TRIM5: variants seen among roughly 807,000 people sequenced by gnomAD.
TRIM5 encodes the protein tripartite motif containing 5.
In TRIM5, 31 loss-of-function variants were observed where a neutral mutation model predicts 35.6. That is an observed-to-expected ratio of 0.87 (90% CI 0.65 to 1.18). TRIM5 has a LOEUF of 1.18. Among genes scored for constraint, TRIM5 ranks in the 50% most tolerant of loss-of-function variants. The pLI is 0.00. For synonymous variants in TRIM5, 243 were observed against 215.6 expected, an observed-to-expected ratio of 1.13 and a Z score of -1.11; for missense variants, 609 against 591.6, an observed-to-expected ratio of 1.03 and a Z score of -0.31.
At chr11:5,603,217 A>G in the TRIM5 span, 1 of 1,599,502 alleles carries the variant, frequency 6.3e-7, no homozygotes, top group African/African-American at 1.3e-5. Flanking sequence ...TCTTACCCTG[A>G]TCCTTTTTTT....
the TRIM5 span, among the ~76,000 whole-genome samples, chr11:5,647,563 C>T: frequency 6.6e-6 from 1 of 152,072 alleles, no homozygotes; most frequent in African/African-American, 2.4e-5. Context: ...CACTCTGTTA[C>T]CCAAGCTGGA....
chr11:5,605,424 A>G, the TRIM5 span: 1 of 1,614,202 alleles, frequency 6.2e-7, no homozygotes. Context: ...ACGGGAGCTG[A>G]AAAAGCTGGA....
Position 5,679,817 on chromosome 11 carries a change from G to A in TRIM5, c.361C>T (p.Gln121Ter), listed in dbSNP as rs1852287820. Residue 121 changes from glutamine (Q) to a stop codon, truncating the protein, a stop_gained, in exon 2 of 8, where the codon CAG becomes TAG. Coordinates refer to ENST00000380034, the MANE Select transcript of TRIM5 (RefSeq NM_033034.3). LOFTEE classifies it high-confidence loss of function. ...KVICWLCERS[Q>*]EHRGHHTFLT... is the part of the protein sequence containing the mutation. The stretch of plus-strand genomic sequence containing the variant: ...AACGTGTGGTGACCACGGTGCTCCT[G>A]AGACCGCTCACAAAGCCAGCAAATG... The A allele has an allele frequency of 6.2e-7, 1 of 1,612,730 alleles. No individual in the cohort carries two copies. The highest frequency in any genetic ancestry group is 2.2e-5 in the East Asian group (1 of 44,830).
chr11:5,646,627 T>C, the TRIM5 span, among the ~76,000 whole-genome samples: 45 of 152,236 alleles, frequency 3.0e-4, 1 homozygote, highest in Non-Finnish European at 5.4e-4. Flanking sequence ...TAAGTCAAAT[T>C]CTCACCCCTA....
chr11:5,641,065 A>C, the TRIM5 span: 11,310 of 1,434,402 alleles, frequency 7.9e-3, 708 homozygotes, highest in African/African-American at 0.14. Context: ...CATATAACTC[A>C]CTTCTGATTT....
the TRIM5 span, chr11:5,611,078 CTGGGTGAT>C: frequency 6.2e-7 from 1 of 1,614,192 alleles, no homozygotes; most frequent in Non-Finnish European, 8.5e-7. Flanking sequence ...AGAGTGGATA[CTGGGTGAT>C]TGGGTTACAG....
chr11:5,655,284 T>C, the TRIM5 span, among the ~76,000 whole-genome samples: 1 of 151,734 alleles, frequency 6.6e-6, no homozygotes, highest in Non-Finnish European at 1.5e-5. Flanking sequence ...TCAATGATAG[T>C]AGTATGTGAT....
chr11:5,656,192 G>C, the TRIM5 span, among the ~76,000 whole-genome samples: 2 of 151,992 alleles, frequency 1.3e-5, no homozygotes, highest in Non-Finnish European at 2.9e-5. Context: ...CACAGCAAAA[G>C]AAACTATCAT....
the TRIM5 span, among the ~76,000 whole-genome samples, chr11:5,609,921 T>A: frequency 2.7e-5 from 4 of 149,954 alleles, no homozygotes; most frequent in Admixed American, 2.7e-4. Flanking sequence ...AGACTCCTTC[T>A]CAAAAAAAAA....
the TRIM5 span, among the ~76,000 whole-genome samples, chr11:5,601,377 A>C: frequency 1.3e-5 from 2 of 152,226 alleles, no homozygotes; most frequent in African/African-American, 4.8e-5. Context: ...ACTCTTATTT[A>C]TGCAGAGTTG....
the TRIM5 span, chr11:5,610,033 T>G: frequency 9.3e-7 from 1 of 1,080,176 alleles, no homozygotes; most frequent in African/African-American, 1.6e-5. Flanking sequence ...ATGCTAAGTG[T>G]ATTCAGAAAG....
the TRIM5 span, among the ~76,000 whole-genome samples, chr11:5,618,466 A>T: frequency 6.6e-6 from 1 of 152,250 alleles, no homozygotes; most frequent in African/African-American, 2.4e-5. Context: ...TATATTACTC[A>T]TAAATGATAT....
At chr11:5,626,276 A>C in the TRIM5 span, among the ~76,000 whole-genome samples, 1 of 152,122 alleles carries the variant, frequency 6.6e-6, no homozygotes, top group South Asian at 2.1e-4. Flanking sequence ...TATACGTGGA[A>C]GCCTACATCC....
intron 1 of TRIM5, among the ~76,000 whole-genome samples, chr11:5,680,738 T>A (rs1852373572): frequency 6.6e-6 from 1 of 152,250 alleles, no homozygotes; most frequent in Admixed American, 6.5e-5. Flanking sequence ...CTACCTTATG[T>A]GCAGTGTAAC....
the TRIM5 span, among the ~76,000 whole-genome samples, chr11:5,645,460 T>C: frequency 6.6e-6 from 1 of 150,876 alleles, no homozygotes; most frequent in African/African-American, 2.4e-5. Context: ...TTATGAAACA[T>C]TGTCATACAA....
chr11:5,617,569 A>G, the TRIM5 span, among the ~76,000 whole-genome samples: 12 of 139,432 alleles, frequency 8.6e-5, 1 homozygote, highest in Non-Finnish European at 1.1e-4. Flanking sequence ...GCTCACTGCA[A>G]CCTTCGCCTC....
chr11:5,596,330 G>C, the TRIM5 span: 2 of 154,972 alleles, frequency 1.3e-5, no homozygotes, highest in African/African-American at 2.4e-5. Context: ...CTCAAGTTTG[G>C]GAAGGGAGCA....
At chr11:5,629,204 G>A in the TRIM5 span, among the ~76,000 whole-genome samples, 1 of 152,084 alleles carries the variant, frequency 6.6e-6, no homozygotes, top group Admixed American at 6.5e-5. Context: ...TTGAACCTGG[G>A]AGGCGGGGGT....
chr11:5,670,273 G>A (rs2134054538), intron 4 of TRIM5, among the ~76,000 whole-genome samples: 1 of 147,000 alleles, frequency 6.8e-6, no homozygotes, highest in African/African-American at 2.5e-5. Context: ...TGCCTCCTGG[G>A]TTCATGCCAT....
Sources: gnomAD v4.1 joint callset for allele counts (sites outside exome capture counted in the v4.1 genomes callset) on GRCh38, gnomAD v4.1.1 for gene constraint, MANE v1.5 for transcripts, NCBI Gene and HGNC (gene_info 2026-07-23, HGNC 2026-07-21) for gene names.